The following SYNE2 variants were observed in gnomAD, a reference collection of about 807,000 sequenced individuals.
The protein encoded by SYNE2 is nesprin-2.
In SYNE2, 431 loss-of-function variants were observed where a neutral mutation model predicts 856.3. The ratio of observed to expected loss-of-function variants is 0.50; its 90% confidence interval spans 0.47 to 0.55. The LOEUF (loss-of-function observed/expected upper bound fraction) is 0.55, where lower values mean the gene tolerates loss of function less well. Among genes scored for constraint, SYNE2 ranks in the 20% least tolerant of loss-of-function variants. The pLI is 0.00. For missense variants in SYNE2, 8,129 were observed against 8,023.2 expected (o/e 1.01, Z -0.50); for synonymous variants, 2,923 against 2,872.3 (o/e 1.02, Z -0.56).
chr14:64,211,161 T>G (rs886980422), intron 103 of SYNE2, among the ~76,000 whole-genome samples: 1 of 152,230 alleles, frequency 6.6e-6, no homozygotes, highest in Non-Finnish European at 1.5e-5. Flanking sequence ...TTAATTTTTG[T>G]GGAAATGGGG....
chr14:63,916,232 T>TA (rs1164833180), intron 2 of SYNE2, among the ~76,000 whole-genome samples: 44 of 152,226 alleles, frequency 2.9e-4, no homozygotes, highest in African/African-American at 1.0e-3. Context: ...GTCTGGAATA[T>TA]CTTTTTATGT....
At chr14:64,201,687 T>C (rs751308709) in intron 99 of SYNE2, among the ~76,000 whole-genome samples, 3 of 151,694 alleles carry the variant, frequency 2.0e-5, no homozygotes, top group Admixed American at 1.3e-4. Context: ...TGAGAGGAGG[T>C]TGTTCGGTCA....
chr14:64,107,413 A>C lies in SYNE2; in HGVS notation c.12493-78A>C, dbSNP rs2097778529. The C allele has an allele frequency of 6.2e-6, 8 of 1,292,458 alleles. No homozygotes were observed. The South Asian group carries it at 7.1e-5, about 12-fold the overall frequency. 80.1% of individuals were successfully genotyped at this position (1,292,458 alleles called of 1,614,324 possible). On this transcript the variant is annotated intron_variant, in intron 64 of 115. Transcript: ENST00000555002. The stretch of plus-strand genomic sequence containing the variant: ...TTTTTGCAAGCAGGTAGTTTGTAAA[A>C]TGAGCATGCGCAGAAAGAAGAATTC...
chr14:64,187,909 T>A (rs1262225259), intron 97 of SYNE2, among the ~76,000 whole-genome samples: 2 of 152,224 alleles, frequency 1.3e-5, no homozygotes, highest in African/African-American at 4.8e-5. Flanking sequence ...AGGGGTTACT[T>A]ATGCATAATG....
intron 1 of SYNE2, among the ~76,000 whole-genome samples, chr14:63,892,761 G>A (rs1323183524): frequency 6.6e-6 from 1 of 150,618 alleles, no homozygotes; most frequent in Non-Finnish European, 1.5e-5. Flanking sequence ...TAGAGACAGG[G>A]GTCTCACTAT....
intron 1 of SYNE2, among the ~76,000 whole-genome samples, chr14:63,844,390 G>T (rs1303118533): frequency 2.0e-5 from 3 of 152,098 alleles, no homozygotes; most frequent in Non-Finnish European, 4.4e-5. Context: ...AATTGTCTGG[G>T]TTTAACACAA....
intron 105 of SYNE2, among the ~76,000 whole-genome samples, chr14:64,213,870 C>T (rs1052504977): frequency 6.6e-6 from 1 of 152,156 alleles, no homozygotes; most frequent in Non-Finnish European, 1.5e-5. Flanking sequence ...AGGAACCTGC[C>T]ATTAACCATC....
intron 99 of SYNE2, among the ~76,000 whole-genome samples, chr14:64,193,130 A>C (rs529182063): frequency 6.6e-6 from 1 of 152,338 alleles, no homozygotes; most frequent in African/African-American, 2.4e-5. Flanking sequence ...TGGCGACAAG[A>C]ACCTGCTCTG....
At chr14:63,847,352 G>A (rs1331041873) in intron 1 of SYNE2, among the ~76,000 whole-genome samples, 2 of 151,818 alleles carry the variant, frequency 1.3e-5, no homozygotes, top group Admixed American at 6.6e-5. Flanking sequence ...AGCTACTCAG[G>A]AGGCTGAGGT....
chr14:63,835,640 T>C (rs1440861157), intron 1 of SYNE2, among the ~76,000 whole-genome samples: 1 of 152,104 alleles, frequency 6.6e-6, no homozygotes. Context: ...ATATTCCCAT[T>C]AGCATCAGTG....
chr14:64,148,058 T>A (rs1418407197), intron 84 of SYNE2, among the ~76,000 whole-genome samples: 1 of 152,140 alleles, frequency 6.6e-6, no homozygotes, highest in Admixed American at 6.5e-5. Context: ...ATGTGTATAA[T>A]CCCAGCACTT....
At chr14:64,202,716 A>G in intron 99 of SYNE2, 85 bp from the exon 100 acceptor site, 1 of 1,579,764 alleles carries the variant, frequency 6.3e-7, no homozygotes, top group Non-Finnish European at 8.7e-7. Context: ...TTACTGGCAC[A>G]TTCTTCCACC....
chr14:64,187,442 A>C (rs1032029250), intron 97 of SYNE2, among the ~76,000 whole-genome samples: 5 of 152,238 alleles, frequency 3.3e-5, no homozygotes, highest in African/African-American at 7.2e-5. Flanking sequence ...GGTAGACAGG[A>C]AGACTGGGGC....
At chr14:64,081,890 T>A (rs1440566457) in intron 57 of SYNE2, among the ~76,000 whole-genome samples, 1 of 152,042 alleles carries the variant, frequency 6.6e-6, no homozygotes, top group Non-Finnish European at 1.5e-5. Context: ...ATCGAGACCA[T>A]CCTGGCTAAC....
At chr14:64,024,624 A>G (rs866426068) in intron 39 of SYNE2, among the ~76,000 whole-genome samples, 165 bp downstream of exon 39, 1 of 152,186 alleles carries the variant, frequency 6.6e-6, no homozygotes, top group Non-Finnish European at 1.5e-5. Flanking sequence ...AAAATTCGGG[A>G]AAAATCTTCA....
chr14:63,794,101 C>T (rs935690626), intron 1 of SYNE2, among the ~76,000 whole-genome samples: 2 of 151,740 alleles, frequency 1.3e-5, no homozygotes, highest in African/African-American at 4.9e-5. Context: ...ATCCTTCTAA[C>T]AACAGAGCCC....
At chr14:64,124,097 TG>T (rs1390335836) in intron 70 of SYNE2, among the ~76,000 whole-genome samples, 1 of 151,960 alleles carries the variant, frequency 6.6e-6, no homozygotes, top group Non-Finnish European at 1.5e-5. Flanking sequence ...CTCAGCTACT[TG>T]GGAGGCTGAG....
intron 2 of SYNE2, among the ~76,000 whole-genome samples, chr14:63,917,113 T>G (rs886847221): frequency 6.6e-6 from 1 of 152,094 alleles, no homozygotes. Context: ...AATTAATTTT[T>G]TAATAAAGGC....
chr14:64,107,280 A>C (rs544813574), intron 64 of SYNE2, among the ~76,000 whole-genome samples: 1 of 152,242 alleles, frequency 6.6e-6, no homozygotes, highest in South Asian at 2.1e-4. Context: ...TAAGAAGAGA[A>C]GTGTGGAGAA....
Sources: gnomAD v4.1 joint callset for allele counts (sites outside exome capture counted in the v4.1 genomes callset) on GRCh38, gnomAD v4.1.1 for gene constraint, MANE v1.5 for transcripts, NCBI Gene and HGNC (gene_info 2026-07-23, HGNC 2026-07-21) for gene names.